Variants in TMEM266 observed in about 807,000 individuals in gnomAD.
TMEM266 encodes the protein transmembrane protein 266.
In TMEM266, 33 loss-of-function variants were observed where a neutral mutation model predicts 50.5. The ratio of observed to expected loss-of-function variants is 0.65; its 90% CI spans 0.50 to 0.87. The LOEUF (loss-of-function observed/expected upper bound fraction) is 0.87. TMEM266 is among the 40% of genes least tolerant of loss of function. The probability of loss-of-function intolerance (pLI) is 0.00; values close to 1 mark genes in which losing one functional copy is unlikely to be tolerated. For synonymous variants in TMEM266, 310 were observed against 292.3 expected (o/e 1.06, Z -0.62); for missense variants, 655 against 695.1 (o/e 0.94, Z 0.65).
chr15:76,204,449 G>C lies in TMEM266; in HGVS notation c.*134G>C, dbSNP rs1258270003. The C allele has an allele frequency of 3.7e-6, 3 of 803,962 alleles. No individual in the cohort carries two copies. The highest frequency in any genetic ancestry group is 5.8e-6 in the Non-Finnish European group (3 of 520,518). The allele number at this position is 803,962 out of a possible 1,614,324, so 49.8% of individuals were successfully genotyped here. A position where few individuals can be genotyped will look rare whatever the true frequency, so the allele number is the denominator to read the frequency against. ...TCCCTCAGGGTGCTGCCTGCCTCCA[G>C]GGAGGCGACGCCAGGCCAGGAGGCC... On this transcript the variant is annotated 3_prime_UTR_variant, in exon 11 of 11. Coordinates refer to ENST00000388942, the MANE Select transcript of TMEM266 (RefSeq NM_152335.3).
chr15:76,134,787 A>T (rs746951678), intron 2 of TMEM266, among the ~76,000 whole-genome samples: 1 of 152,248 alleles, frequency 6.6e-6, no homozygotes, highest in Non-Finnish European at 1.5e-5. Context: ...TCTGTTATCT[A>T]TTGACACAGT....
At chr15:76,112,795 C>T (rs1242216291) in intron 1 of TMEM266, 1 of 152,110 alleles carries the variant, frequency 6.6e-6, no homozygotes, top group Non-Finnish European at 1.5e-5. Flanking sequence ...TGATTATGAG[C>T]CCTGACCGTA....
At chr15:76,159,256 C>T (rs747337642) in intron 4 of TMEM266, among the ~76,000 whole-genome samples, 9 of 152,244 alleles carry the variant, frequency 5.9e-5, no homozygotes, top group Admixed American at 2.0e-4. Context: ...TGGGCCCCAG[C>T]ATCCTGCTTT....
At chr15:76,165,740 T>C (rs1427638831) in intron 5 of TMEM266, among the ~76,000 whole-genome samples, 2 of 152,230 alleles carry the variant, frequency 1.3e-5, no homozygotes, top group Admixed American at 1.3e-4. Flanking sequence ...GGGGCGTGGA[T>C]CTGCTTTCAG....
intron 2 of TMEM266, among the ~76,000 whole-genome samples, chr15:76,136,085 A>C (rs1318579449): frequency 6.6e-6 from 1 of 152,156 alleles, no homozygotes; most frequent in African/African-American, 2.4e-5. Flanking sequence ...CTGGGATTAC[A>C]GGCATGCGCC....
intron 1 of TMEM266, among the ~76,000 whole-genome samples, chr15:76,095,209 C>G (rs911596974): frequency 1.3e-5 from 2 of 152,038 alleles, no homozygotes; most frequent in Non-Finnish European, 2.9e-5. Context: ...AAAGGGAATG[C>G]TTCCAGTTTT....
chr15:76,146,936 C>G (rs1475179412), intron 3 of TMEM266, among the ~76,000 whole-genome samples: 2 of 152,236 alleles, frequency 1.3e-5, no homozygotes, highest in African/African-American at 4.8e-5. Flanking sequence ...GGGGCTTCCT[C>G]ACGGCAGGGA....
intron 1 of TMEM266, among the ~76,000 whole-genome samples, chr15:76,116,899 T>A (rs4886766): frequency 0.19 from 22,935 of 120,608 alleles, 2,297 homozygotes; most frequent in East Asian, 0.45. Flanking sequence ...ATATCTTCTT[T>A]TTTTTTTTTT....
In TMEM266 at chr15:76,080,196, G is replaced by A. The variant is rs572117373; in HGVS notation, c.-97+20180G>A. On this transcript the variant is annotated intron_variant, in intron 1 of 10. Transcript: ENST00000388942. The stretch of plus-strand genomic sequence containing the variant: ...AGCCTGGCCAATGTGGTGAAACCCC[G>A]TCTCTACTAAAAATACAAAAATTAG... Among the ~76,000 whole-genome samples, 230 of 146,378 alleles carry A rather than the reference G, an allele frequency of 1.6e-3. 2 individuals are homozygous for A. Among genetic ancestry groups the A allele is most frequent in the East Asian group, 3.1e-3 (15 of 4,780 alleles).
chr15:76,196,865 GCA>G (rs143282453), intron 9 of TMEM266, among the ~76,000 whole-genome samples: 20,500 of 152,208 alleles, frequency 0.13, 1,642 homozygotes, highest in African/African-American at 0.22. Flanking sequence ...AACCTAGGCT[GCA>G]GAGTTCCAGG....
chr15:76,100,987 A>G (rs980877226), intron 1 of TMEM266, among the ~76,000 whole-genome samples: 7 of 151,588 alleles, frequency 4.6e-5, no homozygotes, highest in African/African-American at 1.5e-4. Flanking sequence ...TATGTGTTCA[A>G]TGCTTACCTT....
chr15:76,171,059 C>T lies in TMEM266; in HGVS notation c.580C>T (p.Pro194Ser), dbSNP rs2038180391. ...GGTGGCATCCACTGTGGCCAATGGA[C>T]CCAGGAGCCCCTGGGACGCCATCAG... The change falls in exon 7 of 11, where the codon CCC becomes TCC. Residue 194 changes from proline to serine, a missense_variant. By Grantham distance (74) the Pro-to-Ser change is moderately conservative. Around this residue, in one of 3 missense-constraint regions of TMEM266, gnomAD observed 101 missense variants for 182.6 expected, o/e 0.55. Transcript: ENST00000388942. 1 of 1,613,078 alleles carries T rather than the reference C, an allele frequency of 6.2e-7. No individual in the cohort carries two copies. The highest frequency in any genetic ancestry group is 1.7e-5 in the Admixed American group (1 of 59,856).
intron 1 of TMEM266, among the ~76,000 whole-genome samples, chr15:76,122,378 T>C (rs2142020170): frequency 6.6e-6 from 1 of 152,356 alleles, no homozygotes; most frequent in South Asian, 2.1e-4. Flanking sequence ...ATTGATACAA[T>C]GCAGGTAAAA....
intron 1 of TMEM266, among the ~76,000 whole-genome samples, chr15:76,104,470 T>A (rs897292766): frequency 6.6e-6 from 1 of 152,076 alleles, no homozygotes; most frequent in African/African-American, 2.4e-5. Flanking sequence ...ACAGCGCTGA[T>A]ATGTCTCGAG....
intron 1 of TMEM266, among the ~76,000 whole-genome samples, chr15:76,087,563 A>C (rs2036793647): frequency 6.6e-6 from 1 of 152,126 alleles, no homozygotes; most frequent in Admixed American, 6.6e-5. Context: ...AGACTCTGGG[A>C]GAGTCCTGGG....
At chr15:76,097,548 C>G (rs138220466) in intron 1 of TMEM266, among the ~76,000 whole-genome samples, 36 of 152,032 alleles carry the variant, frequency 2.4e-4, no homozygotes, top group African/African-American at 8.4e-4. Flanking sequence ...TCATTTCAAC[C>G]TTGGTGAATC....
At chr15:76,081,458 C>T (rs2036692972) in intron 1 of TMEM266, among the ~76,000 whole-genome samples, 1 of 152,196 alleles carries the variant, frequency 6.6e-6, no homozygotes, top group Admixed American at 6.5e-5. Context: ...TATCACCTTC[C>T]ACTGTGCCTG....
At position 76,155,549 on chromosome 15, in the gene TMEM266, T is replaced by C. The variant is rs568579945; in HGVS notation, c.228-1055T>C. On this transcript the variant is annotated intron_variant, in intron 3 of 10. Coordinates refer to ENST00000388942, the MANE Select transcript of TMEM266 (RefSeq NM_152335.3). Reference sequence around the variant, plus strand: ...AACTCTAGTCTTGCCAGATTCTCACTCTGTGACAAAGGGTGTCACGGTCCA... The same window carrying C: ...AACTCTAGTCTTGCCAGATTCTCACCCTGTGACAAAGGGTGTCACGGTCCA... Among the ~76,000 whole-genome samples the C allele has an allele frequency of 2.5e-4, 38 of 152,306 alleles. No homozygotes were observed. The South Asian group carries it at 7.9e-3, about 32-fold the overall frequency.
At chr15:76,074,198 A>G (rs543151103) in intron 1 of TMEM266, among the ~76,000 whole-genome samples, 2 of 152,118 alleles carry the variant, frequency 1.3e-5, no homozygotes, top group Non-Finnish European at 2.9e-5. Flanking sequence ...TTTTGCACCT[A>G]TCCTTTCAGA....
Sources: gnomAD v4.1 joint callset for allele counts (sites outside exome capture counted in the v4.1 genomes callset) on GRCh38, gnomAD v4.1.1 for gene constraint, gnomAD v4.1.1 regional missense constraint, MANE v1.5 for transcripts, NCBI Gene and HGNC (gene_info 2026-07-23, HGNC 2026-07-21) for gene names.